The following CADM2 variants were observed in gnomAD, a reference collection of about 807,000 sequenced individuals.
The protein encoded by CADM2 is cell adhesion molecule 2.
CADM2 carries 12 observed loss-of-function variants against 49.8 expected under a neutral mutation model. The observed-to-expected ratio is 0.24, with a 90% CI of 0.15 to 0.39. The LOEUF (loss-of-function observed/expected upper bound fraction) is 0.39, where lower values mean the gene tolerates loss of function less well. CADM2 is among the 10% of genes least tolerant of loss of function. The probability of loss-of-function intolerance (pLI) is 1.00; values close to 1 mark genes in which losing one functional copy is unlikely to be tolerated. For synonymous variants in CADM2, 214 were observed against 175.4 expected (o/e 1.22, Z -1.74); for missense variants, 378 against 492.3 (o/e 0.77, Z 2.20).
At chr3:85,753,079 T>C (rs2068939491) in intron 2 of CADM2, among the ~76,000 whole-genome samples, 1 of 152,188 alleles carries the variant, frequency 6.6e-6, no homozygotes, top group Admixed American at 6.5e-5. Context: ...GATATCGTTT[T>C]TCCTTTTAAC....
rs374234704 is a variant in CADM2 at position 85,780,010 on chromosome 3, G to GA, written c.89-22031dup. ...AATTGGAGTTGATCAATATGATAAAGAAAAAATAAATATTTCTTAAGCTTC... is the reference window on the plus strand; with the variant it reads ...AATTGGAGTTGATCAATATGATAAAGAAAAAAATAAATATTTCTTAAGCTTC... On this transcript the variant is annotated intron_variant, in intron 2 of 9. Transcript: ENST00000383699. 5.9e-5 allele frequency among the ~76,000 whole-genome samples: 9 copies of GA among 151,992 alleles called. No homozygotes were observed. In the East Asian group the frequency reaches 1.4e-3, roughly 23 times the overall value.
chr3:85,891,913 C>T (rs1714483256), intron 5 of CADM2, among the ~76,000 whole-genome samples: 1 of 152,202 alleles, frequency 6.6e-6, no homozygotes, highest in South Asian at 2.1e-4. Flanking sequence ...CTTGATTCCT[C>T]ACTCACAGAA....
intron 1 of CADM2, among the ~76,000 whole-genome samples, chr3:85,063,907 G>C (rs2036427215): frequency 6.6e-6 from 1 of 152,038 alleles, no homozygotes; most frequent in Admixed American, 6.6e-5. Flanking sequence ...CTGGGTGTTA[G>C]AATTAATTCT....
At chr3:85,022,597 C>CT (rs2034554244) in intron 1 of CADM2, among the ~76,000 whole-genome samples, 1 of 152,136 alleles carries the variant, frequency 6.6e-6, no homozygotes, top group Non-Finnish European at 1.5e-5. Flanking sequence ...CTGTAAATCA[C>CT]TTTCCTTCCT....
chr3:85,446,471 C>T (rs1426525824), intron 1 of CADM2, among the ~76,000 whole-genome samples: 3 of 152,036 alleles, frequency 2.0e-5, no homozygotes, highest in African/African-American at 7.2e-5. Flanking sequence ...ACCACTGACT[C>T]TTGCAGAAAT....
At chr3:85,868,139 G>T (rs7620825) in intron 3 of CADM2, among the ~76,000 whole-genome samples, 54,573 of 151,740 alleles carry the variant, frequency 0.36, 10,100 homozygotes, top group East Asian at 0.46. Flanking sequence ...AAAGAAGCAA[G>T]AAAAGAGTCC....
chr3:85,151,411 T>A (rs2039919526), intron 1 of CADM2, among the ~76,000 whole-genome samples: 1 of 152,172 alleles, frequency 6.6e-6, no homozygotes, highest in Non-Finnish European at 1.5e-5. Context: ...TTATCACTAT[T>A]GGAAATTTTA....
intron 1 of CADM2, among the ~76,000 whole-genome samples, chr3:85,171,879 C>T (rs532396019): frequency 7.2e-5 from 11 of 152,274 alleles, no homozygotes; most frequent in Admixed American, 5.2e-4. Context: ...ACATTATATA[C>T]TGTACCAAAC....
At chr3:84,994,737 A>G (rs2033081635) in intron 1 of CADM2, among the ~76,000 whole-genome samples, 1 of 152,304 alleles carries the variant, frequency 6.6e-6, no homozygotes. Flanking sequence ...TTTAGAATAT[A>G]CAAGTGTTCG....
At chr3:85,405,915 C>T (rs912075197) in intron 1 of CADM2, among the ~76,000 whole-genome samples, 15 of 146,604 alleles carry the variant, frequency 1.0e-4, no homozygotes, top group Admixed American at 2.1e-4. Context: ...GACCCTGTCA[C>T]AAAAATAAAA....
chr3:85,339,527 C>A (rs968478615), intron 1 of CADM2, among the ~76,000 whole-genome samples: 1 of 150,644 alleles, frequency 6.6e-6, no homozygotes, highest in Admixed American at 6.6e-5. Flanking sequence ...CCCTTCCTTT[C>A]ATCTTTTTTT....
At chr3:85,554,500 G>A (rs1022807387) in intron 1 of CADM2, among the ~76,000 whole-genome samples, 10 of 152,086 alleles carry the variant, frequency 6.6e-5, no homozygotes, top group Admixed American at 3.9e-4. Context: ...AATTATAGAC[G>A]CTTAATATGA....
chr3:85,367,294 G>T (rs557644632), intron 1 of CADM2, among the ~76,000 whole-genome samples: 1 of 151,836 alleles, frequency 6.6e-6, no homozygotes, highest in Admixed American at 6.6e-5. Flanking sequence ...TATTTATTTT[G>T]TACCTATCTG....
intron 2 of CADM2, among the ~76,000 whole-genome samples, chr3:85,767,094 A>T (rs1395665253): frequency 5.3e-5 from 8 of 152,200 alleles, no homozygotes; most frequent in African/African-American, 1.9e-4. Flanking sequence ...AAATGAATAG[A>T]TGTCAAATAT....
intron 1 of CADM2, among the ~76,000 whole-genome samples, chr3:85,674,510 A>C (rs896172460): frequency 1.1e-4 from 17 of 152,154 alleles, no homozygotes; most frequent in African/African-American, 3.9e-4. Flanking sequence ...ATTGCTATGA[A>C]AATGTTTGTG....
chr3:84,978,709 C>T (rs2031981836), intron 1 of CADM2, among the ~76,000 whole-genome samples: 1 of 152,130 alleles, frequency 6.6e-6, no homozygotes, highest in Non-Finnish European at 1.5e-5. Flanking sequence ...AGGAGTTCAG[C>T]ATGTGTGTTC....
chr3:86,037,500 C>T (rs1735313009), intron 8 of CADM2, among the ~76,000 whole-genome samples: 1 of 152,070 alleles, frequency 6.6e-6, no homozygotes, highest in Non-Finnish European at 1.5e-5. Flanking sequence ...ATTATGGACA[C>T]ATTTTCTTGG....
At chr3:85,380,539 T>A (rs1023360313) in intron 1 of CADM2, among the ~76,000 whole-genome samples, 4 of 151,982 alleles carry the variant, frequency 2.6e-5, no homozygotes, top group African/African-American at 7.2e-5. Context: ...AATATATTTT[T>A]AAATACAATG....
At chr3:85,074,862 G>T (rs2036882652) in intron 1 of CADM2, among the ~76,000 whole-genome samples, 2 of 151,614 alleles carry the variant, frequency 1.3e-5, no homozygotes, top group African/African-American at 4.8e-5. Flanking sequence ...TGAGAAAAAT[G>T]GAATAAGTAT....
Sources: allele counts gnomAD v4.1 joint callset (sites outside exome capture counted in the v4.1 genomes callset), GRCh38; gene constraint gnomAD v4.1.1; transcripts MANE v1.5; gene names NCBI Gene and HGNC (gene_info 2026-07-23, HGNC 2026-07-21).